The following PCDH9 variants were observed in gnomAD, a reference collection of about 807,000 sequenced individuals.
PCDH9 encodes protocadherin-9.
Under a neutral mutation model 70.6 loss-of-function variants are expected in PCDH9, and 24 were observed. The observed-to-expected ratio is 0.34, with a 90% confidence interval of 0.25 to 0.48. The LOEUF (loss-of-function observed/expected upper bound fraction) is 0.48, where lower values mean the gene tolerates loss of function less well. Among genes scored for constraint, PCDH9 ranks in the 20% least tolerant of loss-of-function variants. The probability of loss-of-function intolerance (pLI) is 0.99; values close to 1 mark genes in which losing one functional copy is unlikely to be tolerated. For synonymous variants in PCDH9, 562 were observed against 558.5 expected (o/e 1.01, Z -0.09); for missense variants, 1,281 against 1,503.6 (o/e 0.85, Z 2.45).
At chr13:66,658,421 TA>T (rs1256572317) in intron 3 of PCDH9, among the ~76,000 whole-genome samples, 1 of 152,118 alleles carries the variant, frequency 6.6e-6, no homozygotes, top group Non-Finnish European at 1.5e-5. Flanking sequence ...TTCTTAAGGG[TA>T]ATATTTAGTC....
In PCDH9 at chr13:66,903,565, G is replaced by A. The variant is rs771977712; in HGVS notation, c.3077C>T (p.Pro1026Leu). Residue 1026 changes from proline to leucine, a missense_variant, in exon 3 of 5, where the codon CCT becomes CTT. Transcript: ENST00000377865. The stretch of plus-strand genomic sequence containing the variant: ...ACCCGTGGAGCTGGGACATTTCTGA[G>A]GAGTGACAGGAATATTGTCACTTTT... ...HSKSDNIPVTPQKCPSSTGFH... is the reference protein window; with the variant it reads ...HSKSDNIPVTLQKCPSSTGFH... The A allele has an allele frequency of 1.3e-6, 2 of 1,579,290 alleles. No individual in the cohort carries two copies. The highest frequency in any genetic ancestry group is 1.1e-5 in the South Asian group (1 of 90,020).
At chr13:66,794,456 A>G (rs2080208340) in intron 3 of PCDH9, among the ~76,000 whole-genome samples, 3 of 152,152 alleles carry the variant, frequency 2.0e-5, no homozygotes, top group Admixed American at 2.0e-4. Context: ...TTGTGTCAAG[A>G]CACCTGTCTT....
chr13:66,485,699 C>A (rs943533276), intron 4 of PCDH9, among the ~76,000 whole-genome samples: 2 of 151,482 alleles, frequency 1.3e-5, no homozygotes, highest in Admixed American at 6.6e-5. Flanking sequence ...TATTCTTCAA[C>A]CCTATTATTT....
At chr13:66,770,939 G>C (rs1474990909) in intron 3 of PCDH9, among the ~76,000 whole-genome samples, 1 of 152,130 alleles carries the variant, frequency 6.6e-6, no homozygotes, top group Non-Finnish European at 1.5e-5. Context: ...CATCACTCCA[G>C]GTTCACCTGA....
intron 4 of PCDH9, among the ~76,000 whole-genome samples, chr13:66,405,173 T>C (rs1957258900): frequency 6.6e-6 from 1 of 152,172 alleles, no homozygotes; most frequent in Non-Finnish European, 1.5e-5. Context: ...TTCTTTCTTC[T>C]CCTCCATCTC....
chr13:66,346,914 T>G lies in PCDH9; in HGVS notation c.3341-41886A>C, dbSNP rs544485067. 7.9e-5 allele frequency among the ~76,000 whole-genome samples: 12 copies of G among 152,308 alleles called. No homozygotes were observed. In the South Asian group the frequency reaches 2.1e-3, roughly 26 times the overall value. On this transcript the variant is annotated intron_variant, in intron 4 of 4. Transcript: ENST00000377865. ...ATAAAGCCACAAGAGTCAGCAACACTCCTTTAAAAAGCCAACCATAGTGGA... is the reference window on the plus strand; with the variant it reads ...ATAAAGCCACAAGAGTCAGCAACACGCCTTTAAAAAGCCAACCATAGTGGA...
intron 4 of PCDH9, among the ~76,000 whole-genome samples, chr13:66,618,740 C>T (rs992594508): frequency 1.3e-5 from 2 of 152,130 alleles, no homozygotes; most frequent in African/African-American, 4.8e-5. Flanking sequence ...ACTATAAACA[C>T]GGATATACAA....
intron 2 of PCDH9, among the ~76,000 whole-genome samples, chr13:66,976,827 G>C (rs1193679623): frequency 6.6e-6 from 1 of 152,038 alleles, no homozygotes; most frequent in Non-Finnish European, 1.5e-5. Context: ...AAAGTGCAGA[G>C]AGTTTATTTT....
At chr13:67,017,325 T>C (rs2084583447) in intron 2 of PCDH9, among the ~76,000 whole-genome samples, 1 of 152,246 alleles carries the variant, frequency 6.6e-6, no homozygotes, top group Non-Finnish European at 1.5e-5. Context: ...TTCATTCGGT[T>C]TTACTATAAA....
chr13:66,304,148 A>G lies in PCDH9; in HGVS notation c.*507T>C, dbSNP rs1458787413. The stretch of plus-strand genomic sequence containing the variant: ...TTTACAAATACTTTAACACTGATTG[A>G]CTTACAAGTGTCCACTAACGTTGTT... On this transcript the variant is annotated 3_prime_UTR_variant, in exon 5 of 5. Transcript: ENST00000377865. The G allele has an allele frequency of 6.6e-6, 1 of 152,322 alleles. No individual in the cohort carries two copies. Among genetic ancestry groups the G allele is most frequent in the Non-Finnish European group, 1.5e-5 (1 of 68,690 alleles). 9.4% of individuals were successfully genotyped at this position (152,322 alleles called of 1,614,324 possible). A position where few individuals can be genotyped will look rare whatever the true frequency, so the allele number is the denominator to read the frequency against.
At chr13:66,312,170 C>T (rs1273653699) in intron 4 of PCDH9, among the ~76,000 whole-genome samples, 2 of 152,100 alleles carry the variant, frequency 1.3e-5, no homozygotes, top group African/African-American at 2.4e-5. Context: ...CAGTCTGTTA[C>T]CTATAAATTG....
intron 4 of PCDH9, among the ~76,000 whole-genome samples, chr13:66,381,534 G>A (rs558356343): frequency 2.6e-5 from 4 of 152,176 alleles, no homozygotes; most frequent in South Asian, 2.1e-4. Context: ...TTAAAACAGC[G>A]TTCTCTGAAA....
At chr13:66,483,864 C>T (rs1177331831) in intron 4 of PCDH9, among the ~76,000 whole-genome samples, 1 of 152,240 alleles carries the variant, frequency 6.6e-6, no homozygotes, top group Admixed American at 6.5e-5. Context: ...AGACCCCTAG[C>T]GGGCAGATAC....
At chr13:66,996,896 T>A (rs924624192) in intron 2 of PCDH9, among the ~76,000 whole-genome samples, 2 of 152,206 alleles carry the variant, frequency 1.3e-5, no homozygotes, top group Admixed American at 6.5e-5. Context: ...GTTTTTAGCA[T>A]CAAGGAAGAA....
chr13:67,175,123 G>A (rs1050588488), intron 2 of PCDH9, among the ~76,000 whole-genome samples: 1 of 151,944 alleles, frequency 6.6e-6, no homozygotes, highest in African/African-American at 2.4e-5. Context: ...GTGACAGAAA[G>A]AGATCCTGTC....
chr13:67,077,725 T>C (rs1197392018), intron 2 of PCDH9, among the ~76,000 whole-genome samples: 2 of 152,148 alleles, frequency 1.3e-5, no homozygotes, highest in African/African-American at 2.4e-5. Flanking sequence ...CCCCAATATT[T>C]GATTCTATTG....
At chr13:66,351,854 T>TC (rs1036959980) in intron 4 of PCDH9, among the ~76,000 whole-genome samples, 1 of 151,928 alleles carries the variant, frequency 6.6e-6, no homozygotes, top group Non-Finnish European at 1.5e-5. Context: ...TTTCTTTTTT[T>TC]TTAAGACAGA....
chr13:66,512,992 T>C (rs1010936423), intron 4 of PCDH9, among the ~76,000 whole-genome samples: 3 of 151,954 alleles, frequency 2.0e-5, no homozygotes, highest in Non-Finnish European at 2.9e-5. Flanking sequence ...CTAGTTTTTG[T>C]ATTTTTTGTA....
intron 2 of PCDH9, among the ~76,000 whole-genome samples, chr13:67,005,977 A>G (rs7999101): frequency 0.69 from 104,768 of 152,074 alleles, 36,617 homozygotes; most frequent in East Asian, 0.95. Flanking sequence ...CTGTAATCCC[A>G]GCACTTTGGG....
Sources: allele counts gnomAD v4.1 joint callset (sites outside exome capture counted in the v4.1 genomes callset), GRCh38; gene constraint gnomAD v4.1.1; transcripts MANE v1.5; gene names NCBI Gene and HGNC (gene_info 2026-07-23, HGNC 2026-07-21).